The following C1orf87 variants were observed in gnomAD, a reference collection of about 807,000 sequenced individuals.
C1orf87 encodes uncharacterized protein C1orf87.
Under a neutral mutation model 60.5 loss-of-function variants are expected in C1orf87, and 58 were observed. That is an observed-to-expected ratio of 0.96 (90% CI 0.78 to 1.19). The LOEUF (loss-of-function observed/expected upper bound fraction) is 1.19, where lower values mean the gene tolerates loss of function less well. Ranked by LOEUF, C1orf87 falls within the 50% of genes most tolerant of loss-of-function variation. C1orf87 has a pLI of 0.00. For synonymous variants in C1orf87, 236 were observed against 227.4 expected (o/e 1.04, Z -0.34); for missense variants, 673 against 638.6 (o/e 1.05, Z -0.58).
chr1:60,051,695 C>A (rs536650110), intron 3 of C1orf87, among the ~76,000 whole-genome samples: 8 of 152,110 alleles, frequency 5.3e-5, no homozygotes, highest in African/African-American at 1.7e-4. Context: ...AGAGAGAGAG[C>A]TTTAAAGTCA....
intron 7 of C1orf87, among the ~76,000 whole-genome samples, chr1:60,032,005 TAC>T (rs201766677): frequency 0.11 from 15,839 of 138,088 alleles, 832 homozygotes; most frequent in Middle Eastern, 0.18. Context: ...CACACACACA[TAC>T]ACACACACAC....
chr1:60,055,352 G>A lies in C1orf87; in HGVS notation c.194C>T (p.Thr65Ile). ...ATCAGTGAAGTTAATGGGAACTGGG[G>A]TGTCTCTGCTCATCTGCCTTGCATT... Reference protein sequence around the residue: ...TDNARQMSRDTPVPINFTDQQ... With the variant: ...TDNARQMSRDIPVPINFTDQQ... Residue 65 changes from threonine (T) to isoleucine (I), a missense_variant, in exon 3 of 12, where the codon ACC (threonine) becomes ATC (isoleucine). Thr to Ile is a moderately conservative substitution (Grantham distance 89). Transcript: ENST00000371201. 6.2e-7 allele frequency: 1 copy of A among 1,614,116 alleles called. No individual in the cohort carries two copies. The highest frequency in any genetic ancestry group is 8.5e-7 in the Non-Finnish European group (1 of 1,180,002).
chr1:60,040,005 C>T lies in C1orf87; in HGVS notation c.659G>A (p.Arg220His), dbSNP rs150454796. 2.1e-3 allele frequency: 3,317 copies of T among 1,614,076 alleles called. 11 individuals carry two copies. Among genetic ancestry groups the T allele is most frequent in the Middle Eastern group, 7.1e-3 (43 of 6,062 alleles). The change falls in exon 5 of 12, where the codon CGC becomes CAC. Residue 220 changes from arginine to histidine, a missense_variant. Arg to His is a conservative substitution (Grantham distance 29). Coordinates refer to ENST00000371201, the MANE Select transcript of C1orf87 (RefSeq NM_152377.3). The stretch of plus-strand genomic sequence containing the variant: ...AGGGACTTCATGCTTCAAAAAGAGG[C>T]GGCTCAGCTGAGATTGGAGAAGAAA... ...SGFLLQSQLS[R>H]LFLKHEVPLQ...
intron 9 of C1orf87, among the ~76,000 whole-genome samples, chr1:60,009,461 T>C (rs1645067590): frequency 6.6e-6 from 1 of 152,062 alleles, no homozygotes; most frequent in Non-Finnish European, 1.5e-5. Flanking sequence ...TGGTATTTTG[T>C]ATGGCAGCCC....
chr1:60,072,091 T>C (rs1645587807), intron 2 of C1orf87, among the ~76,000 whole-genome samples: 1 of 152,188 alleles, frequency 6.6e-6, no homozygotes. Flanking sequence ...AGCCCAAGCT[T>C]AGAGGAGTAT....
chr1:60,045,078 GA>G (rs1384007438), intron 3 of C1orf87, among the ~76,000 whole-genome samples: 1 of 152,164 alleles, frequency 6.6e-6, no homozygotes. Flanking sequence ...TCTCTTTCAA[GA>G]CAAGTGAACA....
intron 9 of C1orf87, 60 bp downstream of exon 9, chr1:60,010,332 G>C: frequency 6.9e-7 from 1 of 1,446,576 alleles, no homozygotes; most frequent in African/African-American, 1.4e-5. Context: ...AGGCAGCATA[G>C]TCAACAATAG....
intron 2 of C1orf87, among the ~76,000 whole-genome samples, chr1:60,063,964 G>C (rs1298899777): frequency 1.3e-5 from 2 of 151,994 alleles, no homozygotes; most frequent in Non-Finnish European, 2.9e-5. Context: ...TGAGTCAGTG[G>C]GCTGGGAAAG....
At chr1:60,065,882 G>A (rs1645542899) in intron 2 of C1orf87, among the ~76,000 whole-genome samples, 1 of 152,070 alleles carries the variant, frequency 6.6e-6, no homozygotes, top group Admixed American at 6.6e-5. Flanking sequence ...TTGTGGTTTA[G>A]TTCCAGAGAG....
intron 11 of C1orf87, among the ~76,000 whole-genome samples, chr1:59,993,624 TG>T (rs916730851): frequency 1.7e-4 from 26 of 152,170 alleles, no homozygotes; most frequent in Non-Finnish European, 3.7e-4. Flanking sequence ...GAATGAAATT[TG>T]TATCTGTCTA....
intron 11 of C1orf87, among the ~76,000 whole-genome samples, chr1:59,991,095 A>G (rs1644918973): frequency 6.6e-6 from 1 of 152,230 alleles, no homozygotes; most frequent in South Asian, 2.1e-4. Flanking sequence ...TAAATTCTAA[A>G]GCAATTTAGG....
At chr1:60,057,200 T>G (rs1394412158) in intron 2 of C1orf87, among the ~76,000 whole-genome samples, 1 of 152,142 alleles carries the variant, frequency 6.6e-6, no homozygotes, top group Non-Finnish European at 1.5e-5. Context: ...GACAACAGTA[T>G]TAAATGCTGC....
At chr1:60,002,625 T>A (rs1192241119) in intron 9 of C1orf87, among the ~76,000 whole-genome samples, 1 of 152,100 alleles carries the variant, frequency 6.6e-6, no homozygotes, top group Non-Finnish European at 1.5e-5. Flanking sequence ...GTGCAGAAGC[T>A]CTTTAGTTTA....
intron 2 of C1orf87, among the ~76,000 whole-genome samples, chr1:60,064,518 A>G (rs949434838): frequency 7.5e-6 from 1 of 133,006 alleles, no homozygotes; most frequent in Admixed American, 9.0e-5. Context: ...AAAATACTTT[A>G]TTGCTAAAAT....
intron 2 of C1orf87, among the ~76,000 whole-genome samples, chr1:60,057,400 G>T (rs1645464853): frequency 6.6e-6 from 1 of 152,148 alleles, no homozygotes; most frequent in African/African-American, 2.4e-5. Context: ...GCTGCAAGAA[G>T]GGAGAAAGAT....
chr1:60,067,040 G>T (rs1645551579), intron 2 of C1orf87, among the ~76,000 whole-genome samples: 2 of 152,104 alleles, frequency 1.3e-5, no homozygotes, highest in African/African-American at 4.8e-5. Context: ...AATATTTCAT[G>T]GTGTATATGT....
At chr1:60,022,511 A>G (rs569832719) in intron 8 of C1orf87, among the ~76,000 whole-genome samples, 1 of 152,306 alleles carries the variant, frequency 6.6e-6, no homozygotes, top group East Asian at 1.9e-4. Context: ...CACAGGGTAT[A>G]TATTCCAAGA....
At chr1:60,055,668 C>T (rs992578216) in intron 2 of C1orf87, among the ~76,000 whole-genome samples, 1 of 152,126 alleles carries the variant, frequency 6.6e-6, no homozygotes, top group Non-Finnish European at 1.5e-5. Flanking sequence ...CTTCCTCATA[C>T]TCATAATCTA....
chr1:60,017,613 C>T (rs1645132865), intron 8 of C1orf87, among the ~76,000 whole-genome samples: 1 of 152,128 alleles, frequency 6.6e-6, no homozygotes, highest in South Asian at 2.1e-4. Flanking sequence ...TCTCTCTCTG[C>T]CCTCCTTAAT....
Sources: gnomAD v4.1 joint callset for allele counts (sites outside exome capture counted in the v4.1 genomes callset) on GRCh38, gnomAD v4.1.1 for gene constraint, MANE v1.5 for transcripts, NCBI Gene and HGNC (gene_info 2026-07-23, HGNC 2026-07-21) for gene names.